Variants in NRXN1 observed in about 807,000 individuals in gnomAD.
NRXN1 encodes neurexin 1, also known as neurexin-1.
A neutral mutation model predicts 150.9 loss-of-function variants in NRXN1; 39 were observed. That is an observed-to-expected ratio of 0.26 (90% CI 0.20 to 0.34). The LOEUF (loss-of-function observed/expected upper bound fraction) is 0.34, where lower values mean the gene tolerates loss of function less well. NRXN1 is among the 10% of genes least tolerant of loss of function. The probability of loss-of-function intolerance (pLI) is 1.00; values close to 1 mark genes in which losing one functional copy is unlikely to be tolerated. For synonymous variants in NRXN1, 924 were observed against 757.0 expected (o/e 1.22, Z -3.62); for missense variants, 1,815 against 1,949.9 (o/e 0.93, Z 1.30).
At chr2:50,895,311 T>C (rs1481551062) in intron 5 of NRXN1, among the ~76,000 whole-genome samples, 1 of 152,216 alleles carries the variant, frequency 6.6e-6, no homozygotes, top group Admixed American at 6.5e-5. Flanking sequence ...CATCTTTGAA[T>C]TAATCTTTGC....
chr2:50,828,220 C>G (rs1290028195), intron 5 of NRXN1, among the ~76,000 whole-genome samples: 5 of 144,162 alleles, frequency 3.5e-5, no homozygotes, highest in Admixed American at 3.4e-4. Context: ...ACGGGGCGGC[C>G]GGGCAGAGGC....
At chr2:50,832,581 T>C (rs936858635) in intron 5 of NRXN1, among the ~76,000 whole-genome samples, 10 of 152,132 alleles carry the variant, frequency 6.6e-5, no homozygotes, top group African/African-American at 1.9e-4. Context: ...TTGAACCCAG[T>C]AGGCAGAGGT....
intron 5 of NRXN1, among the ~76,000 whole-genome samples, chr2:50,709,737 T>A (rs978191911): frequency 6.6e-6 from 1 of 152,180 alleles, no homozygotes. Flanking sequence ...TGAGGACTGT[T>A]GTTCTATGCT....
intron 5 of NRXN1, among the ~76,000 whole-genome samples, chr2:50,641,857 G>A (rs970052914): frequency 6.6e-6 from 1 of 152,016 alleles, no homozygotes; most frequent in African/African-American, 2.4e-5. Context: ...GGTGTTTCCT[G>A]TAGAGAACTC....
chr2:50,137,915 A>G (rs963708081), intron 18 of NRXN1, among the ~76,000 whole-genome samples: 3 of 152,242 alleles, frequency 2.0e-5, no homozygotes, highest in African/African-American at 7.2e-5. Context: ...TGGTATGTAC[A>G]AACAATTTCT....
chr2:50,381,404 G>A (rs1286350812), intron 17 of NRXN1, among the ~76,000 whole-genome samples: 1 of 151,870 alleles, frequency 6.6e-6, no homozygotes, highest in African/African-American at 2.4e-5. Flanking sequence ...AGAGTACCTG[G>A]GGAAACAATG....
intron 12 of NRXN1, among the ~76,000 whole-genome samples, chr2:50,507,214 C>T (rs1289334944): frequency 1.3e-5 from 2 of 152,070 alleles, no homozygotes. Context: ...GTTCTTTAGC[C>T]TCCTAAATTT....
In NRXN1 at chr2:49,920,703, T is replaced by A; in HGVS notation, c.*1241A>T. On this transcript the variant is annotated 3_prime_UTR_variant, in exon 23 of 23. Coordinates refer to ENST00000401669, the MANE Select transcript of NRXN1 (RefSeq NM_001330078.2). Reference sequence around the variant, plus strand: ...TGATGGATTGCTGTGGATTCGTGTGTGTGTGTGTGTGTGTGTGTGTGTGTG... The same window carrying A: ...TGATGGATTGCTGTGGATTCGTGTGAGTGTGTGTGTGTGTGTGTGTGTGTG... 6.3e-5 allele frequency: 1 copy of A among 15,972 alleles called. No homozygotes were observed. Among genetic ancestry groups the A allele is most frequent in the African/African-American group, 1.1e-4 (1 of 8,810 alleles). 1.0% of individuals were successfully genotyped at this position (15,972 alleles called of 1,614,324 possible).
chr2:50,391,098 G>A lies in NRXN1; in HGVS notation c.3364+74344C>T, dbSNP rs115108891. Reference sequence around the variant, plus strand: ...ACTTTCAAGAATTTTGGCCTCCCTAGTAGAGCTCAGAGAGCTAAAACAGCA... The same window carrying A: ...ACTTTCAAGAATTTTGGCCTCCCTAATAGAGCTCAGAGAGCTAAAACAGCA... On this transcript the variant is annotated intron_variant, in intron 17 of 22. Transcript: ENST00000401669. Among the ~76,000 whole-genome samples, 1,400 of 152,122 alleles carry A rather than the reference G, an allele frequency of 9.2e-3. 17 individuals carry two copies. The highest frequency in any genetic ancestry group is 0.032 in the African/African-American group (1,329 of 41,516).
At chr2:50,522,720 A>ATT (rs869200431) in intron 12 of NRXN1, among the ~76,000 whole-genome samples, 24 of 47,762 alleles carry the variant, frequency 5.0e-4, no homozygotes, top group East Asian at 3.0e-3. Context: ...ATTTTTATTC[A>ATT]TTTTTTTTTT....
chr2:49,941,255 T>A (rs1219098028), intron 22 of NRXN1, among the ~76,000 whole-genome samples: 1 of 151,702 alleles, frequency 6.6e-6, no homozygotes, highest in East Asian at 2.0e-4. Flanking sequence ...AAAGATTCCC[T>A]GGAGTATGGC....
intron 5 of NRXN1, among the ~76,000 whole-genome samples, chr2:50,855,488 T>C (rs1031287342): frequency 2.0e-5 from 3 of 152,006 alleles, no homozygotes; most frequent in Non-Finnish European, 4.4e-5. Flanking sequence ...TACTCCATGC[T>C]GCTTCCTTCA....
chr2:50,602,709 C>T (rs1676477306), intron 8 of NRXN1, among the ~76,000 whole-genome samples: 1 of 151,954 alleles, frequency 6.6e-6, no homozygotes, highest in African/African-American at 2.4e-5. Flanking sequence ...TAAAAGGGAA[C>T]ATGTATTCTG....
intron 17 of NRXN1, among the ~76,000 whole-genome samples, chr2:50,431,831 A>G (rs1297894236): frequency 6.6e-6 from 1 of 150,444 alleles, no homozygotes; most frequent in African/African-American, 2.5e-5. Flanking sequence ...ATGGTTCTCA[A>G]CTTTTTTTTT....
intron 5 of NRXN1, among the ~76,000 whole-genome samples, chr2:50,764,977 T>G (rs1449607256): frequency 1.3e-5 from 2 of 152,008 alleles, no homozygotes; most frequent in Non-Finnish European, 2.9e-5. Flanking sequence ...TTCAATGGTC[T>G]ATAAGTTGCT....
chr2:49,999,634 A>T (rs1683577392), intron 21 of NRXN1, among the ~76,000 whole-genome samples: 1 of 152,170 alleles, frequency 6.6e-6, no homozygotes, highest in African/African-American at 2.4e-5. Context: ...ATAAATTTCA[A>T]ATTAACTGTT....
chr2:50,566,613 G>T (rs1669910126), intron 8 of NRXN1, among the ~76,000 whole-genome samples: 1 of 152,020 alleles, frequency 6.6e-6, no homozygotes, highest in South Asian at 2.1e-4. Context: ...CCTTCTCTGT[G>T]TCCCATGCTT....
intron 22 of NRXN1, among the ~76,000 whole-genome samples, chr2:49,932,289 C>T (rs1426461804): frequency 2.0e-5 from 3 of 151,952 alleles, no homozygotes; most frequent in South Asian, 2.1e-4. Context: ...GGCATGGTGG[C>T]GCATGCCTGT....
chr2:50,966,702 G>A (rs190785075), intron 2 of NRXN1, among the ~76,000 whole-genome samples: 2 of 151,798 alleles, frequency 1.3e-5, no homozygotes, highest in Non-Finnish European at 2.9e-5. Flanking sequence ...GAAAATGTGA[G>A]GCAAATGTTG....
Sources: gnomAD v4.1 joint callset for allele counts (sites outside exome capture counted in the v4.1 genomes callset) on GRCh38, gnomAD v4.1.1 for gene constraint, MANE v1.5 for transcripts, NCBI Gene and HGNC (gene_info 2026-07-23, HGNC 2026-07-21) for gene names.